The following KMT2C variants were observed in gnomAD, a reference collection of about 807,000 sequenced individuals.
The protein encoded by KMT2C is histone-lysine N-methyltransferase 2C.
In KMT2C, 88 loss-of-function variants were observed where a neutral mutation model predicts 507.9. The ratio of observed to expected loss-of-function variants is 0.17; its 90% confidence interval spans 0.15 to 0.21. KMT2C has a LOEUF of 0.21. Ranked by LOEUF, KMT2C falls within the 10% of genes least tolerant of loss-of-function variation. The pLI, the probability that KMT2C is intolerant of heterozygous loss-of-function variation, is 1.00. For synonymous variants in KMT2C, 2,049 were observed against 2,080.8 expected (o/e 0.98, Z 0.42); for missense variants, 4,954 against 5,957.8 (o/e 0.83, Z 5.55).
At chr7:152,258,514 T>C (rs6975229) in intron 9 of KMT2C, among the ~76,000 whole-genome samples, 3,087 of 152,086 alleles carry the variant, frequency 0.02, 115 homozygotes, top group African/African-American at 0.072. Context: ...GTTGTTGTTG[T>C]TGTTGCTGTT....
intron 1 of KMT2C, among the ~76,000 whole-genome samples, chr7:152,395,107 G>GA (rs2097528905): frequency 6.6e-6 from 1 of 152,040 alleles, no homozygotes; most frequent in East Asian, 1.9e-4. Flanking sequence ...TCTCACTCAA[G>GA]AAAAAATAAA....
chr7:152,253,583 A>C (rs1440981232), intron 9 of KMT2C, among the ~76,000 whole-genome samples: 1 of 150,108 alleles, frequency 6.7e-6, no homozygotes, highest in Non-Finnish European at 1.5e-5. Context: ...AGTCCCTGCT[A>C]CTTGGGAAGC....
chr7:152,379,339 A>C (rs907448165), intron 1 of KMT2C, among the ~76,000 whole-genome samples: 9 of 152,010 alleles, frequency 5.9e-5, no homozygotes, highest in African/African-American at 2.2e-4. Context: ...GGAGTTCAAG[A>C]CCAGCCTGGT....
intron 1 of KMT2C, among the ~76,000 whole-genome samples, chr7:152,373,585 A>G (rs1423727881): frequency 1.3e-5 from 2 of 152,244 alleles, no homozygotes; most frequent in Non-Finnish European, 2.9e-5. Flanking sequence ...CTTTAATACC[A>G]TAAAGGAACA....
intron 3 of KMT2C, among the ~76,000 whole-genome samples, chr7:152,327,763 C>T (rs960342943): frequency 6.6e-6 from 1 of 151,918 alleles, no homozygotes; most frequent in African/African-American, 2.4e-5. Context: ...TCAAGGCCAT[C>T]CTGGCTAACA....
At chr7:152,219,458 T>C (rs1477101337) in intron 23 of KMT2C, among the ~76,000 whole-genome samples, 2 of 151,974 alleles carry the variant, frequency 1.3e-5, no homozygotes, top group Non-Finnish European at 2.9e-5. Context: ...AATTCTATTG[T>C]CTCAAAGCCA....
rs2129099843 is a variant in KMT2C, at chr7:152,156,294, G to A, written c.11723C>T (p.Pro3908Leu). 1 of 1,614,082 alleles carries A rather than the reference G, an allele frequency of 6.2e-7. No individual in the cohort carries two copies. The highest frequency in any genetic ancestry group is 8.5e-7 in the Non-Finnish European group (1 of 1,179,984). ...CATCTTCTGACAAGCCATAGGAGGT[G>A]GTGTAGGAGGAAGAGAGGCAGGGGG... ...PTPPASLPPT[P>L]PPMACQKMAN... Residue 3908 changes from proline (P) to leucine (L), a missense_variant, in exon 45 of 59, where the codon CCA becomes CTA. Physicochemically the swap from Pro to Leu is moderately conservative, Grantham distance 98 (BLOSUM62 -3). Coordinates refer to ENST00000262189, the MANE Select transcript of KMT2C (RefSeq NM_170606.3).
At chr7:152,323,681 GA>G (rs1257678896) in intron 3 of KMT2C, among the ~76,000 whole-genome samples, 1 of 136,822 alleles carries the variant, frequency 7.3e-6, no homozygotes, top group Non-Finnish European at 1.5e-5. Flanking sequence ...AGGAAGGAAA[GA>G]AAAAAAGGAA....
intron 39 of KMT2C, among the ~76,000 whole-genome samples, chr7:152,173,224 T>C (rs899593722): frequency 4.4e-4 from 67 of 152,246 alleles, no homozygotes; most frequent in African/African-American, 1.5e-3. Context: ...CAAATTTCTT[T>C]GAAATATATA....
chr7:152,427,207 G>T (rs1189188433), intron 1 of KMT2C, among the ~76,000 whole-genome samples: 2 of 151,994 alleles, frequency 1.3e-5, no homozygotes, highest in Admixed American at 6.6e-5. Context: ...GTAGAGACGG[G>T]GTTTCACCAT....
chr7:152,171,812 C>T (rs2092974719), intron 39 of KMT2C, among the ~76,000 whole-genome samples: 1 of 152,168 alleles, frequency 6.6e-6, no homozygotes, highest in Non-Finnish European at 1.5e-5. Context: ...ATTTTATATT[C>T]TAAAACAAAA....
At position 152,368,791 on chromosome 7, in the gene KMT2C, T is replaced by G. The variant is rs1341034967; in HGVS notation, c.162-10116A>C. 4 of 700,908 alleles carry G rather than the reference T, an allele frequency of 5.7e-6. No individual in the cohort carries two copies. The Admixed American group carries it at 8.7e-5, about 15-fold the overall frequency. 43.4% of individuals were successfully genotyped at this position (700,908 alleles called of 1,614,324 possible). Reference sequence around the variant, plus strand: ...GATGGATTTAACAGCGTGACAAAAATTATTTTTTCTTGTTTTTCTTGATGG... The same window carrying G: ...GATGGATTTAACAGCGTGACAAAAAGTATTTTTTCTTGTTTTTCTTGATGG... On this transcript the variant is annotated intron_variant, in intron 1 of 58. Coordinates refer to ENST00000262189, the MANE Select transcript of KMT2C (RefSeq NM_170606.3).
chr7:152,325,312 C>G lies in KMT2C; in HGVS notation c.389+5289G>C, dbSNP rs544875417. On this transcript the variant is annotated intron_variant, in intron 3 of 58. Transcript: ENST00000262189. ...TACAGGTGCCCACCACCACGCCCAG[C>G]TAATTTTTGTATTTTTAGTAGAGAT... Among the ~76,000 whole-genome samples, 5 of 152,014 alleles carry G rather than the reference C, an allele frequency of 3.3e-5. No homozygotes were observed. The East Asian group carries it at 9.7e-4, about 29-fold the overall frequency.
chr7:152,400,965 GA>G (rs2097568817), intron 1 of KMT2C, among the ~76,000 whole-genome samples: 1 of 151,850 alleles, frequency 6.6e-6, no homozygotes, highest in African/African-American at 2.4e-5. Flanking sequence ...AATGAATCGT[GA>G]AAATATGACA....
intron 38 of KMT2C, 136 bp from the exon 39 acceptor site, chr7:152,174,378 T>C: frequency 1.8e-6 from 1 of 558,324 alleles, no homozygotes; most frequent in East Asian, 3.0e-5. Context: ...AACCTTATCC[T>C]GGGTTTAATC....
intron 4 of KMT2C, 21 bp downstream of exon 4, chr7:152,315,117 T>C (rs2129202399): frequency 6.2e-7 from 1 of 1,600,010 alleles, no homozygotes; most frequent in Non-Finnish European, 8.6e-7. Flanking sequence ...TATTCCAACA[T>C]TTAAAGTCGA....
intron 48 of KMT2C, 45 bp downstream of exon 48, chr7:152,153,965 T>A: frequency 6.3e-7 from 1 of 1,593,384 alleles, no homozygotes; most frequent in Non-Finnish European, 8.6e-7. Flanking sequence ...TCTTTGAAAA[T>A]TGGGGACATA....
At chr7:152,418,909 T>G (rs1409370171) in intron 1 of KMT2C, among the ~76,000 whole-genome samples, 1 of 149,922 alleles carries the variant, frequency 6.7e-6, no homozygotes, top group East Asian at 1.9e-4. Context: ...AGAGAATAGG[T>G]CAGGCTGGGT....
At chr7:152,294,453 G>C (rs1200772118) in intron 6 of KMT2C, among the ~76,000 whole-genome samples, 1 of 152,082 alleles carries the variant, frequency 6.6e-6, no homozygotes, top group Non-Finnish European at 1.5e-5. Context: ...GAAGACTCCC[G>C]ATTGCTTCCC....
Sources: gnomAD v4.1 joint callset for allele counts (sites outside exome capture counted in the v4.1 genomes callset) on GRCh38, gnomAD v4.1.1 for gene constraint, MANE v1.5 for transcripts, NCBI Gene and HGNC (gene_info 2026-07-23, HGNC 2026-07-21) for gene names.